Variants in NCALD observed in about 807,000 individuals in gnomAD.
The protein encoded by NCALD is neurocalcin delta, also known as neurocalcin-delta.
A neutral mutation model predicts 18.6 loss-of-function variants in NCALD; 10 were observed. The observed-to-expected ratio is 0.54, with a 90% CI of 0.33 to 0.91. The LOEUF (loss-of-function observed/expected upper bound fraction) is 0.91. Ranked by LOEUF, NCALD falls within the 40% of genes least tolerant of loss-of-function variation. NCALD has a pLI of 0.03. For missense variants in NCALD, 184 were observed against 247.6 expected, an observed-to-expected ratio of 0.74 and a Z score of 1.72; for synonymous variants, 88 against 87.4, an observed-to-expected ratio of 1.01 and a Z score of -0.04.
rs200362482 is a variant in NCALD, at chr8:101,848,631, C to T, written c.-20+38510G>A. Among the ~76,000 whole-genome samples the T allele has an allele frequency of 4.6e-5, 7 of 152,196 alleles. No individual in the cohort carries two copies. In the East Asian group the frequency reaches 1.2e-3, roughly 25 times the overall value. ...AAGATTTTTAATGTTTGATTGCTTTCGGCTCTTGAAAGTTAAAGTTTCTCT... is the reference window on the plus strand; with the variant it reads ...AAGATTTTTAATGTTTGATTGCTTTTGGCTCTTGAAAGTTAAAGTTTCTCT... On this transcript the variant is annotated intron_variant, in intron 4 of 6. Transcript: ENST00000311028.
intron 4 of NCALD, among the ~76,000 whole-genome samples, chr8:101,876,664 C>T (rs1342027712): frequency 6.6e-6 from 1 of 152,128 alleles, no homozygotes; most frequent in East Asian, 1.9e-4. Flanking sequence ...AATACCATGG[C>T]AATGGATACA....
intron 1 of NCALD, among the ~76,000 whole-genome samples, chr8:101,771,380 A>AGAAAAC (rs1275438625): frequency 6.6e-6 from 1 of 152,248 alleles, no homozygotes; most frequent in Non-Finnish European, 1.5e-5. Context: ...TTGCTTATTT[A>AGAAAAC]GAAAACTGCT....
At chr8:101,891,993 A>AACTGGG (rs1816916718) in intron 3 of NCALD, among the ~76,000 whole-genome samples, 1 of 152,198 alleles carries the variant, frequency 6.6e-6, no homozygotes, top group Admixed American at 6.5e-5. Context: ...AGGAAGCTCG[A>AACTGGG]ACTGGGTGGG....
intron 2 of NCALD, among the ~76,000 whole-genome samples, chr8:101,968,643 C>A (rs1197140372): frequency 6.6e-6 from 1 of 152,032 alleles, no homozygotes; most frequent in Non-Finnish European, 1.5e-5. Context: ...CAGTACCTGG[C>A]ACAAGGAAAG....
chr8:101,709,090 T>A (rs1452211374), intron 2 of NCALD, among the ~76,000 whole-genome samples: 1 of 152,172 alleles, frequency 6.6e-6, no homozygotes, highest in Non-Finnish European at 1.5e-5. Flanking sequence ...GAAAGTACAC[T>A]CCACAGTGTG....
intron 3 of NCALD, 135 bp downstream of exon 3, chr8:101,692,656 C>T: frequency 7.2e-7 from 1 of 1,386,890 alleles, no homozygotes; most frequent in East Asian, 2.5e-5. Flanking sequence ...GGTCCTCTCC[C>T]CTCCTACCCA....
At chr8:101,739,885 T>C (rs1346979542) in intron 1 of NCALD, among the ~76,000 whole-genome samples, 1 of 152,186 alleles carries the variant, frequency 6.6e-6, no homozygotes, top group African/African-American at 2.4e-5. Flanking sequence ...CCTTCATATA[T>C]GCATCTATCC....
At chr8:101,808,370 ATTTAAG>A (rs1232307847) in intron 4 of NCALD, among the ~76,000 whole-genome samples, 2 of 152,180 alleles carry the variant, frequency 1.3e-5, no homozygotes, top group Non-Finnish European at 2.9e-5. Context: ...TTACTATAAG[ATTTAAG>A]TTTTTCTCTT....
intron 1 of NCALD, among the ~76,000 whole-genome samples, chr8:101,780,653 T>C (rs1412281535): frequency 6.6e-6 from 1 of 152,126 alleles, no homozygotes; most frequent in Non-Finnish European, 1.5e-5. Flanking sequence ...ATAGTAATGG[T>C]TGCACAACAA....
At chr8:101,968,043 T>A (rs1820098185) in intron 2 of NCALD, among the ~76,000 whole-genome samples, 1 of 152,108 alleles carries the variant, frequency 6.6e-6, no homozygotes, top group Admixed American at 6.6e-5. Flanking sequence ...GGTTGCCCCT[T>A]AAGAGGTGTT....
At chr8:102,026,974 C>T (rs1822481294) in intron 1 of NCALD, among the ~76,000 whole-genome samples, 4 of 152,220 alleles carry the variant, frequency 2.6e-5, no homozygotes, top group South Asian at 4.1e-4. Context: ...CTGAGCTGTA[C>T]GTTGGCTCCT....
chr8:102,040,479 A>AG (rs1554584280), intron 1 of NCALD, among the ~76,000 whole-genome samples: 7 of 150,842 alleles, frequency 4.6e-5, no homozygotes, highest in South Asian at 4.2e-4. Context: ...ATCAAAAAAA[A>AG]AAAAGAAAAG....
intron 1 of NCALD, among the ~76,000 whole-genome samples, chr8:102,083,693 CCCA>C (rs1459267524): frequency 5.9e-5 from 9 of 152,116 alleles, no homozygotes. Context: ...GATCATAATC[CCCA>C]CATTTTTACA....
intron 1 of NCALD, among the ~76,000 whole-genome samples, chr8:102,085,482 T>C (rs184903448): frequency 6.6e-6 from 1 of 152,182 alleles, no homozygotes; most frequent in Non-Finnish European, 1.5e-5. Flanking sequence ...TGGCTAGGCA[T>C]GGTGGCTCAT....
At chr8:101,903,386 G>C (rs543965498) in intron 3 of NCALD, among the ~76,000 whole-genome samples, 1 of 152,040 alleles carries the variant, frequency 6.6e-6, no homozygotes, top group African/African-American at 2.4e-5. Context: ...TAGTAGAGAT[G>C]GAGTTTCACC....
At chr8:101,779,726 C>T (rs1284867721) in intron 1 of NCALD, among the ~76,000 whole-genome samples, 2 of 152,260 alleles carry the variant, frequency 1.3e-5, no homozygotes, top group African/African-American at 4.8e-5. Context: ...AAAACCCCTT[C>T]TCCCAACCAA....
At chr8:101,993,791 G>A (rs547521583) in intron 2 of NCALD, among the ~76,000 whole-genome samples, 58 of 152,296 alleles carry the variant, frequency 3.8e-4, no homozygotes, top group South Asian at 6.2e-4. Flanking sequence ...ATCAAACCAG[G>A]TTGAAATCTT....
chr8:102,067,489 G>A (rs1231802508), intron 1 of NCALD, among the ~76,000 whole-genome samples: 2 of 151,736 alleles, frequency 1.3e-5, no homozygotes, highest in Non-Finnish European at 2.9e-5. Flanking sequence ...GTCCTTATAT[G>A]ACCTTGACAT....
chr8:101,917,659 A>G (rs1191012393), intron 2 of NCALD, among the ~76,000 whole-genome samples: 1 of 152,170 alleles, frequency 6.6e-6, no homozygotes, highest in East Asian at 1.9e-4. Context: ...TGAATCCCAC[A>G]GAAATACAAA....
Sources: gnomAD v4.1 joint callset for allele counts (sites outside exome capture counted in the v4.1 genomes callset) on GRCh38, gnomAD v4.1.1 for gene constraint, MANE v1.5 for transcripts, NCBI Gene and HGNC (gene_info 2026-07-23, HGNC 2026-07-21) for gene names.